FOXJ3: variants seen among roughly 807,000 people sequenced by gnomAD.
FOXJ3 encodes forkhead box J3.
In FOXJ3, 22 loss-of-function variants were observed where a neutral mutation model predicts 76.1. The observed-to-expected ratio is 0.29, with a 90% CI of 0.21 to 0.41. The LOEUF (loss-of-function observed/expected upper bound fraction) is 0.41, where lower values mean the gene tolerates loss of function less well. FOXJ3 is among the 10% of genes least tolerant of loss of function. The pLI, the probability that FOXJ3 is intolerant of heterozygous loss-of-function variation, is 1.00. For missense variants in FOXJ3, 613 were observed against 762.1 expected, an observed-to-expected ratio of 0.80 and a Z score of 2.30; for synonymous variants, 269 against 261.2, an observed-to-expected ratio of 1.03 and a Z score of -0.29.
At chr1:42,276,108 C>T (rs1652241150) in intron 3 of FOXJ3, among the ~76,000 whole-genome samples, 2 of 152,172 alleles carry the variant, frequency 1.3e-5, no homozygotes, top group South Asian at 2.1e-4. Flanking sequence ...GTAATCCCAA[C>T]ACTTTGGGAG....
intron 4 of FOXJ3, among the ~76,000 whole-genome samples, chr1:42,259,189 G>A (rs549596892): frequency 6.6e-6 from 1 of 152,208 alleles, no homozygotes; most frequent in African/African-American, 2.4e-5. Context: ...TGGCATTTTG[G>A]AAAAGGCAAA....
Position 42,221,996 on chromosome 1 carries a change from AGGGG to A in FOXJ3, c.528+5883_528+5886del, listed in dbSNP as rs1557648862. On this transcript the variant is annotated intron_variant, in intron 5 of 12. Coordinates refer to ENST00000361346, the MANE Select transcript of FOXJ3 (RefSeq NM_014947.5). ...AAGGGGGAGGGGGAGGGGGAGGGGGAGGGGGAGGAGGAGGAGAAGGAGAAGGGGG... is the reference window on the plus strand; with the variant it reads ...AAGGGGGAGGGGGAGGGGGAGGGGGAGAGGAGGAGGAGAAGGAGAAGGGGG... 6.5e-4 allele frequency among the ~76,000 whole-genome samples: 3 copies of A among 4,604 alleles called. 1 individual carries two copies. The highest frequency in any genetic ancestry group is 1.5e-3 in the Non-Finnish European group (3 of 2,064). 3.0% of individuals were successfully genotyped at this position (4,604 alleles called of 152,430 possible).
intron 2 of FOXJ3, among the ~76,000 whole-genome samples, chr1:42,310,727 G>T (rs1209922127): frequency 6.6e-6 from 1 of 152,174 alleles, no homozygotes; most frequent in East Asian, 1.9e-4. Flanking sequence ...TGGGAGTACA[G>T]ATGTGAGCCA....
chr1:42,263,223 A>G (rs1158762672), intron 4 of FOXJ3, among the ~76,000 whole-genome samples: 1 of 152,220 alleles, frequency 6.6e-6, no homozygotes, highest in Non-Finnish European at 1.5e-5. Flanking sequence ...CTGACATGAC[A>G]CATTTTTAAG....
rs141093778 is a variant in FOXJ3 at position 42,191,552 on chromosome 1, C to A, written c.1102G>T (p.Val368Phe). 6.2e-7 allele frequency: 1 copy of A among 1,614,000 alleles called. No individual in the cohort carries two copies. ...NTTGSNSVAQ[V>F]SLSHPQMHTQ... ...TGCATCTGGGGGTGAGACAGTGAGA[C>A]CTGTGCAACCGAATTACTGCCTGTG... Residue 368 changes from valine (V) to phenylalanine (F), a missense_variant, in exon 9 of 13, where the codon GTC becomes TTC. Physicochemically the swap from Val to Phe is conservative, Grantham distance 50 (BLOSUM62 -1). Transcript: ENST00000361346.
At chr1:42,237,609 G>A (rs1361474322) in intron 4 of FOXJ3, among the ~76,000 whole-genome samples, 1 of 151,082 alleles carries the variant, frequency 6.6e-6, no homozygotes, top group African/African-American at 2.4e-5. Context: ...AACCTTGTAA[G>A]GAGCAAAAAG....
Position 42,238,703 on chromosome 1 carries a change from C to T in FOXJ3, c.445-10737G>A, listed in dbSNP as rs141878145. ...CCTCCCACGTAGCTGGGAACACAGG[C>T]ATGCACAACCATACCTGGCAAATTT... On this transcript the variant is annotated intron_variant, in intron 4 of 12. Coordinates refer to ENST00000361346, the MANE Select transcript of FOXJ3 (RefSeq NM_014947.5). 1.3e-3 allele frequency among the ~76,000 whole-genome samples: 205 copies of T among 152,244 alleles called. 1 individual carries two copies. The highest frequency in any genetic ancestry group is 3.4e-3 in the Middle Eastern group (1 of 294).
At chr1:42,198,151 G>C (rs1327173887) in intron 7 of FOXJ3, among the ~76,000 whole-genome samples, 1 of 151,942 alleles carries the variant, frequency 6.6e-6, no homozygotes, top group Non-Finnish European at 1.5e-5. Context: ...TTTTTCTTCT[G>C]CAGGGACAAC....
intron 4 of FOXJ3, among the ~76,000 whole-genome samples, chr1:42,262,175 T>TA (rs1327191770): frequency 2.6e-5 from 4 of 152,200 alleles, no homozygotes; most frequent in Admixed American, 6.5e-5. Context: ...TTAGCACAAC[T>TA]AATGGATGAA....
chr1:42,199,241 A>C lies in FOXJ3; in HGVS notation c.631-11T>G. On this transcript the variant is annotated splice_polypyrimidine_tract_variant and intron_variant, in intron 6 of 12. Coordinates refer to ENST00000361346, the MANE Select transcript of FOXJ3 (RefSeq NM_014947.5). ...GTTATACAATGTTACCTAAAATGAA[A>C]AAAGAAAAATGACAATTGAATATAA... is the stretch of plus-strand genomic sequence containing the variant. 6.2e-7 allele frequency: 1 copy of C among 1,608,586 alleles called. No homozygotes were observed. The highest frequency in any genetic ancestry group is 8.5e-7 in the Non-Finnish European group (1 of 1,175,642).
At chr1:42,301,436 C>A (rs1654143906) in intron 2 of FOXJ3, among the ~76,000 whole-genome samples, 1 of 152,104 alleles carries the variant, frequency 6.6e-6, no homozygotes, top group African/African-American at 2.4e-5. Flanking sequence ...TCCTGACCCT[C>A]AAGTGATCCA....
intron 2 of FOXJ3, among the ~76,000 whole-genome samples, chr1:42,293,399 T>A (rs1297340628): frequency 6.6e-6 from 1 of 151,950 alleles, no homozygotes; most frequent in Non-Finnish European, 1.5e-5. Context: ...CAAACCCCAA[T>A]AAACACAAGA....
At chr1:42,313,049 T>C (rs970924460) in intron 1 of FOXJ3, among the ~76,000 whole-genome samples, 10 of 152,168 alleles carry the variant, frequency 6.6e-5, no homozygotes, top group African/African-American at 2.4e-4. Context: ...AAAACCTTCA[T>C]ACCGGCTGGG....
intron 4 of FOXJ3, among the ~76,000 whole-genome samples, chr1:42,246,218 A>G (rs1362915386): frequency 6.6e-6 from 1 of 152,224 alleles, no homozygotes; most frequent in Non-Finnish European, 1.5e-5. Flanking sequence ...CGGAGTGAGG[A>G]GACAATCTGT....
chr1:42,181,059 T>C (rs749744647), intron 12 of FOXJ3, among the ~76,000 whole-genome samples: 3 of 152,220 alleles, frequency 2.0e-5, no homozygotes, highest in Non-Finnish European at 2.9e-5. Context: ...TGCCACACAG[T>C]TCTTCAAGGT....
At chr1:42,250,855 TAGAC>T (rs1649976620) in intron 4 of FOXJ3, among the ~76,000 whole-genome samples, 1 of 143,674 alleles carries the variant, frequency 7.0e-6, no homozygotes, top group Admixed American at 6.8e-5. Context: ...ACCAAAATAT[TAGAC>T]AGAATCAGAG....
intron 5 of FOXJ3, among the ~76,000 whole-genome samples, chr1:42,210,975 A>G (rs905160903): frequency 6.6e-6 from 1 of 152,170 alleles, no homozygotes; most frequent in Admixed American, 6.5e-5. Context: ...GCACCTCATG[A>G]GACAAAAGAA....
chr1:42,177,337 T>A lies in FOXJ3; in HGVS notation c.*2373A>T, dbSNP rs551242709. ...TGGGAAATTCGCTTCACACAATTTA[T>A]AAAATCATCATCAGTGGTTCTACTC... On this transcript the variant is annotated 3_prime_UTR_variant, in exon 13 of 13. Coordinates refer to ENST00000361346, the MANE Select transcript of FOXJ3 (RefSeq NM_014947.5). 6.5e-6 allele frequency: 1 copy of A among 152,792 alleles called. No individual in the cohort carries two copies. The highest frequency in any genetic ancestry group is 2.1e-4 in the South Asian group (1 of 4,830). 9.5% of individuals were successfully genotyped at this position (152,792 alleles called of 1,614,324 possible).
rs201855001 is a variant in FOXJ3 at position 42,306,389 on chromosome 1, A to G, written c.44+4661T>C. Among the ~76,000 whole-genome samples, 4 of 129,714 alleles carry G rather than the reference A, an allele frequency of 3.1e-5. No homozygotes were observed. In the East Asian group the frequency reaches 9.3e-4, roughly 30 times the overall value. 85.1% of individuals were successfully genotyped at this position (129,714 alleles called of 152,430 possible). A position where few individuals can be genotyped will look rare whatever the true frequency, so the allele number is the denominator to read the frequency against. ...ACAATCTCAGCTCACTGCAACCTCC[A>G]CCTCCCAGGTTCAGGCGATTCTCCT... On this transcript the variant is annotated intron_variant, in intron 2 of 12. Transcript: ENST00000361346.
Sources: gnomAD v4.1 joint callset for allele counts (sites outside exome capture counted in the v4.1 genomes callset) on GRCh38, gnomAD v4.1.1 for gene constraint, MANE v1.5 for transcripts, NCBI Gene and HGNC (gene_info 2026-07-23, HGNC 2026-07-21) for gene names.